ELAVL3: variants seen among roughly 807,000 people sequenced by gnomAD.
The protein encoded by ELAVL3 is ELAV like RNA binding protein 3, also known as ELAV-like protein 3.
A neutral mutation model predicts 34.2 loss-of-function variants in ELAVL3; 8 were observed. The ratio of observed to expected loss-of-function variants is 0.23; its 90% CI spans 0.14 to 0.42. ELAVL3 has a LOEUF of 0.42. Among genes scored for constraint, ELAVL3 ranks in the 10% least tolerant of loss-of-function variants. The probability of loss-of-function intolerance (pLI) is 1.00; values close to 1 mark genes in which losing one functional copy is unlikely to be tolerated. For synonymous variants in ELAVL3, 209 were observed against 222.1 expected, an observed-to-expected ratio of 0.94 and a Z score of 0.53; for missense variants, 273 against 518.8, an observed-to-expected ratio of 0.53 and a Z score of 4.60.
chr19:11,459,169 C>T (rs1243176229), intron 3 of ELAVL3, among the ~76,000 whole-genome samples: 1 of 147,676 alleles, frequency 6.8e-6, no homozygotes, highest in Non-Finnish European at 1.5e-5. Context: ...TGTCGCCAGG[C>T]TGGAGTGCAA....
At chr19:11,462,737 T>C (rs1970914960) in intron 3 of ELAVL3, among the ~76,000 whole-genome samples, 1 of 151,374 alleles carries the variant, frequency 6.6e-6, no homozygotes, top group Non-Finnish European at 1.5e-5. Flanking sequence ...GGGGGGTGGA[T>C]GATCTGAGGT....
At chr19:11,465,037 CACCACACACAT>C (rs1171157832) in intron 3 of ELAVL3, among the ~76,000 whole-genome samples, 7 of 135,934 alleles carry the variant, frequency 5.1e-5, no homozygotes, top group Non-Finnish European at 1.1e-4. Context: ...ACCACACACA[CACCACACACAT>C]ACACACATAC....
Position 11,454,449 on chromosome 19 carries a change from TTCTCTC to T in ELAVL3, c.*71_*76del, listed in dbSNP as rs925424662. On this transcript the variant is annotated 3_prime_UTR_variant, in exon 7 of 7. Coordinates refer to ENST00000359227, the MANE Select transcript of ELAVL3 (RefSeq NM_001420.4). This position sits in a 1 kb window ranked among gnomAD's most constrained non-coding sequence, Gnocchi z 9.2. Reference sequence around the variant, plus strand: ...GCCTGTGCTGTCTCTCTTGGGCCCCTTCTCTCTCTCTCTCTCTCTTTCTCTCTCTCT... The same window carrying T: ...GCCTGTGCTGTCTCTCTTGGGCCCCTTCTCTCTCTCTCTTTCTCTCTCTCT... 53 of 1,054,260 alleles carry T rather than the reference TTCTCTC, an allele frequency of 5.0e-5. No homozygotes were observed. Among genetic ancestry groups the T allele is most frequent in the Non-Finnish European group, 6.3e-5 (49 of 783,184 alleles). 65.3% of individuals were successfully genotyped at this position (1,054,260 alleles called of 1,614,324 possible).
At chr19:11,479,164 C>T (rs564469292) in intron 1 of ELAVL3, among the ~76,000 whole-genome samples, 6 of 152,228 alleles carry the variant, frequency 3.9e-5, no homozygotes, top group Middle Eastern at 3.4e-3. Flanking sequence ...TGGACTGTTG[C>T]GGGAGTTCTG....
At position 11,452,824 on chromosome 19, in the gene ELAVL3, T is replaced by G. The variant is rs1366135006; in HGVS notation, c.*1702A>C. The G allele has an allele frequency of 6.6e-6, 1 of 152,032 alleles. No homozygotes were observed. Among genetic ancestry groups the G allele is most frequent in the Non-Finnish European group, 1.5e-5 (1 of 68,012 alleles). The allele number at this position is 152,032 out of a possible 1,614,324, so 9.4% of individuals were successfully genotyped here. A position where few individuals can be genotyped will look rare whatever the true frequency, so the allele number is the denominator to read the frequency against. On this transcript the variant is annotated 3_prime_UTR_variant, in exon 7 of 7. Transcript: ENST00000359227. Reference sequence around the variant, plus strand: ...GCTCCCAGGGGCTCCGGCCTGTGGCTTCTGTTGGAATTTTTTTTTTTTAAA... The same window carrying G: ...GCTCCCAGGGGCTCCGGCCTGTGGCGTCTGTTGGAATTTTTTTTTTTTAAA...
rs1236599277 is a variant in ELAVL3 at position 11,464,167 on chromosome 19, ATTTTTTTT to A, written c.333+1997_333+2004del. On this transcript the variant is annotated intron_variant, in intron 3 of 6. Coordinates refer to ENST00000359227, the MANE Select transcript of ELAVL3 (RefSeq NM_001420.4). ...TCTCTCTCTCTATATATATATATAT[ATTTTTTTT>A]TTTTTTAGACAGGGTCTTGCTCTGT... Among the ~76,000 whole-genome samples the A allele has an allele frequency of 1.2e-3, 129 of 103,840 alleles. 2 individuals are homozygous for A. Among genetic ancestry groups the A allele is most frequent in the African/African-American group, 5.3e-3 (122 of 23,110 alleles). 68.1% of individuals were successfully genotyped at this position (103,840 alleles called of 152,430 possible). A position where few individuals can be genotyped will look rare whatever the true frequency, so the allele number is the denominator to read the frequency against.
rs767167994 is a variant in ELAVL3 at position 11,454,780 on chromosome 19, A to G, written c.850T>C (p.Trp284Arg). Residue 284 changes from tryptophan to arginine, a missense_variant, in exon 7 of 7, where the codon TGG becomes CGG. Physicochemically the swap from Trp to Arg is moderately radical, Grantham distance 101. Around this residue, in one of 4 missense-constraint regions of ELAVL3, gnomAD observed 79 missense variants for 108.2 expected, o/e 0.73. Coordinates refer to ENST00000359227, the MANE Select transcript of ELAVL3 (RefSeq NM_001420.4). This position sits in a 1 kb window ranked among gnomAD's most constrained non-coding sequence, Gnocchi z 9.2. The part of the protein sequence containing the change: ...GLSGGAAGAG[W>R]CIFVYNLSPE... ...GACAGGTTGTACACGAAGATGCACC[A>G]GCCGGCGCCCGCCGCGCCCCCCGAC... 1 of 1,613,250 alleles carries G rather than the reference A, an allele frequency of 6.2e-7. No homozygotes were observed. The highest frequency in any genetic ancestry group is 1.7e-5 in the Admixed American group (1 of 60,022).
In ELAVL3 at chr19:11,451,670, TGG is replaced by T. The variant is rs1478918585; in HGVS notation, c.*2854_*2855del. 6.6e-6 allele frequency: 1 copy of T among 150,904 alleles called. No homozygotes were observed. The highest frequency in any genetic ancestry group is 1.5e-5 in the Non-Finnish European group (1 of 67,632). The allele number at this position is 150,904 out of a possible 1,614,324, so 9.3% of individuals were successfully genotyped here. A position where few individuals can be genotyped will look rare whatever the true frequency, so the allele number is the denominator to read the frequency against. ...GTGGAAGCCCCAAGTCCCCCTCGCC[TGG>T]GAGCCCCGGCCTGGCCCCCTGCGGG... is the stretch of plus-strand genomic sequence containing the variant. On this transcript the variant is annotated 3_prime_UTR_variant, in exon 7 of 7. Coordinates refer to ENST00000359227, the MANE Select transcript of ELAVL3 (RefSeq NM_001420.4).
At chr19:11,460,116 A>G (rs1970853238) in intron 3 of ELAVL3, among the ~76,000 whole-genome samples, 1 of 151,854 alleles carries the variant, frequency 6.6e-6, no homozygotes, top group Admixed American at 6.6e-5. Context: ...GCCCCAACTC[A>G]CTAATGGCAA....
chr19:11,477,850 C>T (rs192301580), intron 1 of ELAVL3, among the ~76,000 whole-genome samples: 18 of 152,132 alleles, frequency 1.2e-4, no homozygotes, highest in Non-Finnish European at 2.2e-4. Context: ...CATCGCGCCC[C>T]GCTAACTTTT....
chr19:11,479,407 G>A (rs2144920005), intron 1 of ELAVL3, among the ~76,000 whole-genome samples: 1 of 152,254 alleles, frequency 6.6e-6, no homozygotes, highest in East Asian at 1.9e-4. Context: ...AAAGGGGCCC[G>A]GAAAGAGACA....
At position 11,458,393 on chromosome 19, in the gene ELAVL3, G is replaced by T. The variant is rs535136736; in HGVS notation, c.487+65C>A. The T allele has an allele frequency of 5.0e-6, 8 of 1,608,746 alleles. No homozygotes were observed. In the East Asian group the frequency reaches 1.8e-4, roughly 36 times the overall value. On this transcript the variant is annotated intron_variant, in intron 4 of 6. Transcript: ENST00000359227. This position sits in a 1 kb window ranked among gnomAD's most constrained non-coding sequence, Gnocchi z 7.3. ...CTGGCATCTTGGTCGGTTTCCCCAC[G>T]TTGGTCCCACCTGACTGCCTTTGCC... is the stretch of plus-strand genomic sequence containing the variant.
intron 1 of ELAVL3, among the ~76,000 whole-genome samples, chr19:11,476,426 C>A (rs1157038124): frequency 6.6e-6 from 1 of 151,920 alleles, no homozygotes; most frequent in African/African-American, 2.4e-5. Flanking sequence ...TGCCTGTAGT[C>A]CCAGCTACTT....
At chr19:11,476,201 C>T (rs1971259907) in intron 1 of ELAVL3, among the ~76,000 whole-genome samples, 1 of 152,184 alleles carries the variant, frequency 6.6e-6, no homozygotes, top group African/African-American at 2.4e-5. Context: ...TCATGTGAAA[C>T]TTCCAGGTGG....
chr19:11,455,022 A>C, intron 6 of ELAVL3, 145 bp from the exon 7 acceptor site: 10 of 890,162 alleles, frequency 1.1e-5, no homozygotes, highest in Non-Finnish European at 1.7e-5. Flanking sequence ...TTTTAGAGAC[A>C]CGGTCTCGCT....
At chr19:11,479,284 G>T (rs2144919697) in intron 1 of ELAVL3, among the ~76,000 whole-genome samples, 2 of 152,234 alleles carry the variant, frequency 1.3e-5, no homozygotes, top group South Asian at 4.1e-4. Context: ...AGGCCTCCGG[G>T]ACCTCATTTC....
intron 6 of ELAVL3, among the ~76,000 whole-genome samples, chr19:11,455,801 G>A (rs1326723601): frequency 6.6e-6 from 1 of 152,102 alleles, no homozygotes; most frequent in African/African-American, 2.4e-5. Flanking sequence ...TCCAGCCCCT[G>A]AACAACACCT....
chr19:11,469,022 C>G (rs996236308), intron 1 of ELAVL3, among the ~76,000 whole-genome samples: 6 of 152,194 alleles, frequency 3.9e-5, no homozygotes, highest in Non-Finnish European at 1.5e-5. Flanking sequence ...CAGGCTCCAG[C>G]AATCCTCCCA....
chr19:11,475,420 T>C (rs1971244422), intron 1 of ELAVL3, among the ~76,000 whole-genome samples: 1 of 152,168 alleles, frequency 6.6e-6, no homozygotes, highest in South Asian at 2.1e-4. Context: ...TTCTCTCACC[T>C]CAGCCTCCCC....
Sources: gnomAD v4.1 joint callset for allele counts (sites outside exome capture counted in the v4.1 genomes callset) on GRCh38, gnomAD v4.1.1 for gene constraint, gnomAD v4.1.1 regional missense constraint, Gnocchi (gnomAD v3.1) non-coding constraint, MANE v1.5 for transcripts, NCBI Gene and HGNC (gene_info 2026-07-23, HGNC 2026-07-21) for gene names.